ABCG8: variants seen among roughly 807,000 people sequenced by gnomAD.
ABCG8 encodes the protein ATP binding cassette subfamily G member 8.
ABCG8 carries 81 observed loss-of-function variants against 71.3 expected under a neutral mutation model. The ratio of observed to expected loss-of-function variants is 1.14; its 90% CI spans 0.95 to 1.37. ABCG8 has a LOEUF of 1.37. Among genes scored for constraint, ABCG8 ranks in the 40% most tolerant of loss-of-function variants. ABCG8 has a pLI of 0.00. For synonymous variants in ABCG8, 451 were observed against 354.7 expected (o/e 1.27, Z -3.05); for missense variants, 1,119 against 866.2 (o/e 1.29, Z -3.66).
rs369637159 is a variant in ABCG8 at position 43,852,393 on chromosome 2, G to A, written c.601G>A (p.Ala201Thr). Residue 201 changes from alanine to threonine, a missense_variant, in exon 5 of 13, where the codon GCT becomes ACT. Transcript: ENST00000272286. ...VIAELRLRQC[A>T]DTRVGNMYVR... ...CGCGGAGCTGCGGCTTAGGCAGTGC[G>A]CTGACACCCGCGTGGGCAACATGTA... 5 of 1,612,196 alleles carry A rather than the reference G, an allele frequency of 3.1e-6. No homozygotes were observed. The highest frequency in any genetic ancestry group is 1.3e-5 in the African/African-American group (1 of 74,886).
At chr2:43,849,193 A>G (rs1218442462) in intron 3 of ABCG8, among the ~76,000 whole-genome samples, 1 of 152,082 alleles carries the variant, frequency 6.6e-6, no homozygotes, top group Non-Finnish European at 1.5e-5. Context: ...GTTTTGTCTT[A>G]GTTCATGGAA....
chr2:43,874,516 C>CT (rs10667526), intron 10 of ABCG8, 33 bp downstream of exon 10: 2 of 1,548,608 alleles, frequency 1.3e-6, no homozygotes, highest in Non-Finnish European at 8.9e-7. Context: ...AAGTGCCCCC[C>CT]ACCCACCAGG....
intron 8 of ABCG8, among the ~76,000 whole-genome samples, chr2:43,873,279 C>T (rs1572864805): frequency 6.6e-6 from 1 of 151,912 alleles, no homozygotes; most frequent in Non-Finnish European, 1.5e-5. Context: ...ACCTCCGCCT[C>T]CCAGGTTCAA....
intron 6 of ABCG8, among the ~76,000 whole-genome samples, chr2:43,854,761 G>A (rs1669044329): frequency 6.6e-6 from 1 of 152,188 alleles, no homozygotes; most frequent in South Asian, 2.1e-4. Context: ...AGACTGAGCT[G>A]GGTATAGGGA....
chr2:43,851,888 C>T (rs1483661911), intron 4 of ABCG8, 66 bp downstream of exon 4: 6 of 1,549,540 alleles, frequency 3.9e-6, no homozygotes, highest in Non-Finnish European at 4.4e-6. Flanking sequence ...CCCCGCTCCT[C>T]CCCTGCTGCC....
At chr2:43,840,901 T>C (rs1572817561) in intron 1 of ABCG8, among the ~76,000 whole-genome samples, 1 of 152,068 alleles carries the variant, frequency 6.6e-6, no homozygotes, top group Admixed American at 6.5e-5. Flanking sequence ...CCTCAGGAGG[T>C]TGGGCCTGGG....
chr2:43,840,525 G>A (rs1668545617), intron 1 of ABCG8, among the ~76,000 whole-genome samples: 1 of 152,200 alleles, frequency 6.6e-6, no homozygotes, highest in South Asian at 2.1e-4. Context: ...GTGACGGTCT[G>A]CCCGTAACAC....
chr2:43,872,303 T>C lies in ABCG8; in HGVS notation c.1208T>C (p.Ile403Thr), dbSNP rs1158951496. ...PGAVQQFTTLIRRQISNDFRD... is the reference protein window; with the variant it reads ...PGAVQQFTTLTRRQISNDFRD... The stretch of plus-strand genomic sequence containing the variant: ...GCGGTGCAGCAGTTTACGACGCTGA[T>C]CCGGTAATTATCTGTCATTTTATTA... The change falls in exon 8 of 13, where the codon ATC (isoleucine) becomes ACC (threonine). Residue 403 changes from isoleucine to threonine, a missense_variant. Coordinates refer to ENST00000272286, the MANE Select transcript of ABCG8 (RefSeq NM_022437.3). The C allele has an allele frequency of 2.5e-6, 4 of 1,613,572 alleles. No homozygotes were observed. Among genetic ancestry groups the C allele is most frequent in the Non-Finnish European group, 3.4e-6 (4 of 1,179,878 alleles).
At chr2:43,853,667 G>C (rs757869711) in intron 6 of ABCG8, among the ~76,000 whole-genome samples, 23 of 152,280 alleles carry the variant, frequency 1.5e-4, no homozygotes, top group Non-Finnish European at 2.8e-4. Context: ...AACATGCCAG[G>C]CTCAAAGGGT....
In ABCG8 at chr2:43,852,624, C is replaced by G; in HGVS notation, c.720C>G (p.Thr240=). ...NPGILILDEP[T]SGLDSFTAHN... ...GAATCCTTATTCTCGACGAACCCAC[C>G]TCTGGGCTCGACAGCTTCACAGCCC... is the stretch of plus-strand genomic sequence containing the variant. Residue 240 remains threonine (T), a synonymous_variant, in exon 6 of 13, where the codon ACC becomes ACG. Transcript: ENST00000272286. The G allele has an allele frequency of 1.2e-6, 2 of 1,614,192 alleles. No homozygotes were observed. The highest frequency in any genetic ancestry group is 1.7e-6 in the Non-Finnish European group (2 of 1,180,032).
In ABCG8 at chr2:43,851,065, A is replaced by G. The variant is rs1485644058; in HGVS notation, c.323-519A>G. On this transcript the variant is annotated intron_variant, in intron 3 of 12. Coordinates refer to ENST00000272286, the MANE Select transcript of ABCG8 (RefSeq NM_022437.3). Reference sequence around the variant, plus strand: ...ATTTTTTTCTCCATTATTTCTCAAAATAGATTTGGTTTTGCATGTTTAAAA... The same window carrying G: ...ATTTTTTTCTCCATTATTTCTCAAAGTAGATTTGGTTTTGCATGTTTAAAA... 5.3e-5 allele frequency among the ~76,000 whole-genome samples: 8 copies of G among 152,228 alleles called. No individual in the cohort carries two copies. The East Asian group carries it at 1.3e-3, about 26-fold the overall frequency.
In ABCG8 at chr2:43,875,126, G is replaced by T. The variant is rs1000706433; in HGVS notation, c.1489-20G>T. On this transcript the variant is annotated intron_variant, in intron 10 of 12. Transcript: ENST00000272286. ...GTGAAGGTGCTGGCTTCATATCCTT[G>T]CAAGGGCTGTTCTTTGCAGATCCTC... is the stretch of plus-strand genomic sequence containing the variant. 2 of 1,614,158 alleles carry T rather than the reference G, an allele frequency of 1.2e-6. No homozygotes were observed. The highest frequency in any genetic ancestry group is 1.3e-5 in the African/African-American group (1 of 75,070).
At chr2:43,867,898 G>C (rs967184191) in intron 6 of ABCG8, among the ~76,000 whole-genome samples, 1 of 150,746 alleles carries the variant, frequency 6.6e-6, no homozygotes, top group African/African-American at 2.4e-5. Flanking sequence ...TATCTCTCTG[G>C]ATAGAATTCT....
At chr2:43,849,228 G>A (rs1668838285) in intron 3 of ABCG8, among the ~76,000 whole-genome samples, 2 of 152,038 alleles carry the variant, frequency 1.3e-5, no homozygotes, top group Admixed American at 1.3e-4. Context: ...TTTTCACACT[G>A]CTCTAAAGAA....
At chr2:43,864,531 G>A (rs565427699) in intron 6 of ABCG8, among the ~76,000 whole-genome samples, 1 of 151,104 alleles carries the variant, frequency 6.6e-6, no homozygotes, top group African/African-American at 2.4e-5. Context: ...CATCTGTCTG[G>A]GTAGAATTCT....
intron 11 of ABCG8, among the ~76,000 whole-genome samples, chr2:43,877,110 G>T (rs543236564): frequency 6.6e-6 from 1 of 151,368 alleles, no homozygotes; most frequent in Admixed American, 6.6e-5. Context: ...ATATGGGGGA[G>T]ACTGTGGGAA....
chr2:43,859,244 A>T (rs528828737), intron 6 of ABCG8, among the ~76,000 whole-genome samples: 9 of 150,860 alleles, frequency 6.0e-5, no homozygotes, highest in Non-Finnish European at 1.3e-4. Flanking sequence ...TAGAATTCTC[A>T]CACTCTGGAT....
chr2:43,851,469 C>T, intron 3 of ABCG8, 115 bp from the exon 4 acceptor site: 1 of 1,197,394 alleles, frequency 8.4e-7, no homozygotes. Context: ...AGGGGCTGGT[C>T]ACATCTGCAC....
intron 3 of ABCG8, among the ~76,000 whole-genome samples, 195 bp from the exon 4 acceptor site, chr2:43,851,389 C>A (rs1175515971): frequency 6.6e-6 from 1 of 152,268 alleles, no homozygotes; most frequent in African/African-American, 2.4e-5. Flanking sequence ...ACGTTGGCTG[C>A]AGACAGAAGG....
Sources: allele counts gnomAD v4.1 joint callset (sites outside exome capture counted in the v4.1 genomes callset), GRCh38; gene constraint gnomAD v4.1.1; transcripts MANE v1.5; gene names NCBI Gene and HGNC (gene_info 2026-07-23, HGNC 2026-07-21).